RBFOX1: variants seen among roughly 807,000 people sequenced by gnomAD.
RBFOX1 encodes the protein RNA binding fox-1 homolog 1, also known as RNA binding protein fox-1 homolog 1.
A neutral mutation model predicts 57.7 loss-of-function variants in RBFOX1; 8 were observed. That is an observed-to-expected ratio of 0.14 (90% CI 0.08 to 0.25). RBFOX1 has a LOEUF of 0.25. RBFOX1 is among the 10% of genes least tolerant of loss of function. The pLI, the probability that RBFOX1 is intolerant of heterozygous loss-of-function variation, is 1.00. For synonymous variants in RBFOX1, 326 were observed against 222.4 expected (o/e 1.47, Z -4.15); for missense variants, 611 against 548.5 (o/e 1.11, Z -1.14).
At chr16:7,173,482 C>G (rs987848739) in intron 4 of RBFOX1, among the ~76,000 whole-genome samples, 1 of 150,844 alleles carries the variant, frequency 6.6e-6, no homozygotes, top group South Asian at 2.1e-4. Context: ...AACACGAGTT[C>G]CATTTGACAC....
intron 2 of RBFOX1, among the ~76,000 whole-genome samples, chr16:6,491,299 A>T (rs930111951): frequency 6.6e-6 from 1 of 152,110 alleles, no homozygotes; most frequent in African/African-American, 2.4e-5. Context: ...CATATCCAGA[A>T]GTATATGGAA....
chr16:6,760,942 C>T (rs1048708326), intron 3 of RBFOX1, among the ~76,000 whole-genome samples: 8 of 152,148 alleles, frequency 5.3e-5, no homozygotes, highest in East Asian at 3.9e-4. Flanking sequence ...CCATCAGGAT[C>T]GGACTGTAAT....
chr16:6,232,541 A>T (rs1288183161), intron 1 of RBFOX1, among the ~76,000 whole-genome samples: 1 of 152,114 alleles, frequency 6.6e-6, no homozygotes, highest in Non-Finnish European at 1.5e-5. Flanking sequence ...CTTCCCCTTA[A>T]ATAGTCACTT....
chr16:7,548,153 T>C (rs1415786304), intron 5 of RBFOX1, among the ~76,000 whole-genome samples: 1 of 152,178 alleles, frequency 6.6e-6, no homozygotes, highest in African/African-American at 2.4e-5. Flanking sequence ...CGTCATATTC[T>C]TTCTTACTCG....
At chr16:7,044,658 T>C (rs952353378) in intron 3 of RBFOX1, among the ~76,000 whole-genome samples, 14 of 152,170 alleles carry the variant, frequency 9.2e-5, no homozygotes, top group Non-Finnish European at 4.4e-5. Flanking sequence ...TTTTTTCATT[T>C]AGGCCATAAA....
At chr16:6,315,524 G>A (rs1029422512) in intron 1 of RBFOX1, among the ~76,000 whole-genome samples, 4 of 149,656 alleles carry the variant, frequency 2.7e-5, no homozygotes, top group Non-Finnish European at 5.9e-5. Flanking sequence ...TGGATGGGTG[G>A]GTGAGTACAT....
At chr16:7,419,295 T>C (rs1289073502) in intron 4 of RBFOX1, among the ~76,000 whole-genome samples, 3 of 152,128 alleles carry the variant, frequency 2.0e-5, no homozygotes, top group Admixed American at 2.0e-4. Flanking sequence ...TCTTCAATCA[T>C]TGCAACAGTG....
chr16:6,947,163 T>G (rs528310915), intron 3 of RBFOX1, among the ~76,000 whole-genome samples: 1 of 152,170 alleles, frequency 6.6e-6, no homozygotes, highest in Non-Finnish European at 1.5e-5. Flanking sequence ...GTCCAATAAA[T>G]CACTGGCTGT....
intron 1 of RBFOX1, among the ~76,000 whole-genome samples, chr16:6,130,343 A>G (rs924753194): frequency 7.9e-5 from 12 of 152,146 alleles, no homozygotes; most frequent in Admixed American, 2.0e-4. Flanking sequence ...AAAGATTCTG[A>G]TAAGTTATGG....
At position 5,742,248 on chromosome 16, in the gene RBFOX1, CTTCCTCCCTTCCTTCT is replaced by C. The variant is rs57932627; in HGVS notation, c.319-125049_319-125034del. On this transcript the variant is annotated intron_variant, in intron 3 of 19. Transcript: ENST00000641259. ...CCTTCCTTCCTTCCTCCCTTCCTTCCTTCCTCCCTTCCTTCTTTCCTTTCTTCCTCCCTCCCTCCCT... is the reference window on the plus strand; with the variant it reads ...CCTTCCTTCCTTCCTCCCTTCCTTCCTTCCTTTCTTCCTCCCTCCCTCCCT... Among the ~76,000 whole-genome samples, 711 of 118,224 alleles carry C rather than the reference CTTCCTCCCTTCCTTCT, an allele frequency of 6.0e-3. 7 individuals are homozygous for C. Among genetic ancestry groups the C allele is most frequent in the African/African-American group, 0.021 (591 of 28,778 alleles). 77.6% of individuals were successfully genotyped at this position (118,224 alleles called of 152,430 possible).
chr16:7,516,834 CTT>C (rs138906317), intron 4 of RBFOX1, among the ~76,000 whole-genome samples: 3 of 148,544 alleles, frequency 2.0e-5, no homozygotes, highest in Middle Eastern at 6.9e-3. Context: ...TGAGAACAAA[CTT>C]TTTTTTTTTC....
intron 2 of RBFOX1, among the ~76,000 whole-genome samples, chr16:5,507,161 A>C (rs111367522): frequency 6.6e-6 from 1 of 152,058 alleles, no homozygotes; most frequent in Non-Finnish European, 1.5e-5. Flanking sequence ...GATGAAGAAA[A>C]CAAATTCGGG....
At chr16:5,781,479 C>G (rs1266485532) in intron 3 of RBFOX1, among the ~76,000 whole-genome samples, 1 of 152,182 alleles carries the variant, frequency 6.6e-6, no homozygotes, top group Non-Finnish European at 1.5e-5. Flanking sequence ...GTGACAACCT[C>G]AAACACCCAC....
At chr16:7,246,633 C>CTTTTTTTTTT (rs56654382) in intron 4 of RBFOX1, among the ~76,000 whole-genome samples, 1 of 105,502 alleles carries the variant, frequency 9.5e-6, no homozygotes, top group Non-Finnish European at 1.8e-5. Flanking sequence ...TGGTCACCTC[C>CTTTTTTTTTT]TTTTTTTTTT....
At chr16:6,022,797 C>T (rs2095109566) in intron 1 of RBFOX1, among the ~76,000 whole-genome samples, 1 of 152,168 alleles carries the variant, frequency 6.6e-6, no homozygotes, top group Non-Finnish European at 1.5e-5. Flanking sequence ...CACATTTGCC[C>T]ATAAATGAAC....
intron 3 of RBFOX1, among the ~76,000 whole-genome samples, chr16:6,901,263 G>A (rs984524170): frequency 1.3e-5 from 2 of 152,196 alleles, no homozygotes; most frequent in Admixed American, 1.3e-4. Context: ...AGAATTGCTT[G>A]TTCATCTCTT....
At chr16:5,411,428 G>T (rs2067018943) in intron 1 of RBFOX1, among the ~76,000 whole-genome samples, 1 of 152,182 alleles carries the variant, frequency 6.6e-6, no homozygotes, top group Admixed American at 6.5e-5. Context: ...CTAGAAGTCG[G>T]AAATGGCAAG....
chr16:5,806,004 A>G (rs1006669251), intron 3 of RBFOX1, among the ~76,000 whole-genome samples: 1 of 152,154 alleles, frequency 6.6e-6, no homozygotes, highest in African/African-American at 2.4e-5. Context: ...AATGGTAATG[A>G]ACATGGGTAT....
intron 2 of RBFOX1, among the ~76,000 whole-genome samples, chr16:6,383,465 C>G (rs1330646435): frequency 2.0e-5 from 3 of 152,134 alleles, no homozygotes; most frequent in African/African-American, 4.8e-5. Context: ...ACTGAATGCA[C>G]CAAGCCCCTT....
Sources: gnomAD v4.1 joint callset for allele counts (sites outside exome capture counted in the v4.1 genomes callset) on GRCh38, gnomAD v4.1.1 for gene constraint, MANE v1.5 for transcripts, NCBI Gene and HGNC (gene_info 2026-07-23, HGNC 2026-07-21) for gene names.